GUCY2C: variants seen among roughly 807,000 people sequenced by gnomAD.
The protein encoded by GUCY2C is guanylyl cyclase C.
A neutral mutation model predicts 131.1 loss-of-function variants in GUCY2C; 118 were observed. The observed-to-expected ratio is 0.90, with a 90% CI of 0.78 to 1.05. The LOEUF (loss-of-function observed/expected upper bound fraction) is 1.05. GUCY2C is among the 50% of genes least tolerant of loss of function. The pLI is 0.00. For synonymous variants in GUCY2C, 452 were observed against 457.8 expected, an observed-to-expected ratio of 0.99 and a Z score of 0.16; for missense variants, 1,161 against 1,304.4, an observed-to-expected ratio of 0.89 and a Z score of 1.69.
At chr12:14,640,510 G>T (rs1337516393) in intron 18 of GUCY2C, among the ~76,000 whole-genome samples, 1 of 151,008 alleles carries the variant, frequency 6.6e-6, no homozygotes, top group East Asian at 1.9e-4. Context: ...AAGAAAAAAT[G>T]CTACTGTCGC....
In GUCY2C at chr12:14,656,905, G is replaced by C. The variant is rs11056084; in HGVS notation, c.1365-288C>G. ...ATGGAGGTGGCAGGGAGTGGTTTCAGGATGAAACTGTTCCACCTCAGATCA... is the reference window on the plus strand; with the variant it reads ...ATGGAGGTGGCAGGGAGTGGTTTCACGATGAAACTGTTCCACCTCAGATCA... On this transcript the variant is annotated intron_variant, in intron 11 of 26. Coordinates refer to ENST00000261170, the MANE Select transcript of GUCY2C (RefSeq NM_004963.4). 5.9e-3 allele frequency among the ~76,000 whole-genome samples: 894 copies of C among 152,350 alleles called. 6 individuals carry two copies. Among genetic ancestry groups the C allele is most frequent in the African/African-American group, 0.02 (842 of 41,576 alleles).
At chr12:14,664,101 G>A (rs1947921761) in intron 10 of GUCY2C, among the ~76,000 whole-genome samples, 1 of 152,122 alleles carries the variant, frequency 6.6e-6, no homozygotes. Flanking sequence ...CTATTACCTT[G>A]TTTTGTGTTC....
chr12:14,643,687 G>C lies in GUCY2C; in HGVS notation c.1817C>G (p.Ser606Cys), dbSNP rs1947455063. Residue 606 changes from serine (S) to cysteine (C), a missense_variant, in exon 17 of 27, where the codon TCC becomes TGC. Transcript: ENST00000261170. ...DIAKGMSYLH[S>C]SKTEVHGRLK... ...ACGACCATGGACTTCTGTCTTACTG[G>C]AGTGCAGATATGACATTCCCTGTAA... 2 of 1,612,860 alleles carry C rather than the reference G, an allele frequency of 1.2e-6. No homozygotes were observed. The highest frequency in any genetic ancestry group is 1.7e-5 in the Admixed American group (1 of 60,012).
chr12:14,661,001 G>A lies in GUCY2C; in HGVS notation c.1344C>T (p.Leu448=), dbSNP rs1408889412. ...TGTACCTGAGCATCAGGAGAGCGAC[G>A]AGCAGGAGCAGCACCACAGCTCCAG... ...TLTGAVVLLL[L]VALLMLRKYR... The change falls in exon 11 of 27, where the codon CTC becomes CTT. Residue 448 remains leucine (L), a synonymous_variant. Transcript: ENST00000261170. 7 of 1,611,888 alleles carry A rather than the reference G, an allele frequency of 4.3e-6. No homozygotes were observed. Among genetic ancestry groups the A allele is most frequent in the Middle Eastern group, 1.7e-4 (1 of 6,052 alleles).
At chr12:14,657,098 T>C (rs1360218618) in intron 11 of GUCY2C, among the ~76,000 whole-genome samples, 2 of 152,222 alleles carry the variant, frequency 1.3e-5, no homozygotes, top group African/African-American at 4.8e-5. Flanking sequence ...GTGCGGTTGG[T>C]TCCTAACAGG....
chr12:14,631,730 C>T (rs1592089733), intron 19 of GUCY2C, among the ~76,000 whole-genome samples: 1 of 147,782 alleles, frequency 6.8e-6, no homozygotes, highest in East Asian at 2.0e-4. Context: ...ATTTATAGTC[C>T]TTTGGGTATA....
intron 15 of GUCY2C, among the ~76,000 whole-genome samples, chr12:14,646,184 C>T (rs1483535297): frequency 6.6e-6 from 1 of 152,168 alleles, no homozygotes; most frequent in African/African-American, 2.4e-5. Context: ...ATGGTTCTAC[C>T]AAGTTGCAGG....
At chr12:14,667,277 C>T (rs751551) in intron 10 of GUCY2C, among the ~76,000 whole-genome samples, 115,929 of 152,142 alleles carry the variant, frequency 0.76, 45,398 homozygotes, top group Non-Finnish European at 0.86. Context: ...TGCAGAAGCC[C>T]ATGAGAAAAG....
chr12:14,638,035 T>C (rs1947310146), intron 19 of GUCY2C, among the ~76,000 whole-genome samples: 1 of 151,934 alleles, frequency 6.6e-6, no homozygotes, highest in East Asian at 1.9e-4. Context: ...TTAAAAAAAT[T>C]CCATTAAAAA....
Position 14,645,208 on chromosome 12 carries a change from CTGTG to C in GUCY2C, c.1797+17_1797+20del. On this transcript the variant is annotated intron_variant, in intron 16 of 26. Coordinates refer to ENST00000261170, the MANE Select transcript of GUCY2C (RefSeq NM_004963.4). ...TTCTTATATTTAATTTTCATATTTTCTGTGTGTGTGTTTCTCTTACCTTAGCAAT... is the reference window on the plus strand; with the variant it reads ...TTCTTATATTTAATTTTCATATTTTCTGTGTGTTTCTCTTACCTTAGCAAT... 1 of 1,234,056 alleles carries C rather than the reference CTGTG, an allele frequency of 8.1e-7. No homozygotes were observed. The highest frequency in any genetic ancestry group is 1.2e-6 in the Non-Finnish European group (1 of 850,820). The allele number at this position is 1,234,056 out of a possible 1,614,324, so 76.4% of individuals were successfully genotyped here.
chr12:14,673,084 G>T, intron 8 of GUCY2C, 126 bp from the exon 9 acceptor site: 1 of 638,138 alleles, frequency 1.6e-6, no homozygotes, highest in South Asian at 1.9e-5. Context: ...AAACATTGTT[G>T]ACATTAATAG....
intron 10 of GUCY2C, among the ~76,000 whole-genome samples, chr12:14,663,622 G>A (rs975357945): frequency 2.0e-5 from 3 of 152,192 alleles, no homozygotes; most frequent in Non-Finnish European, 4.4e-5. Context: ...ATTGATGTAG[G>A]TGCCCCGAAA....
chr12:14,647,261 C>A (rs1467184600), intron 15 of GUCY2C, among the ~76,000 whole-genome samples: 1 of 152,132 alleles, frequency 6.6e-6, no homozygotes, highest in African/African-American at 2.4e-5. Flanking sequence ...TAATAACTTT[C>A]TGACAAGTGG....
intron 4 of GUCY2C, 68 bp downstream of exon 4, chr12:14,682,974 G>A: frequency 1.0e-6 from 1 of 1,001,754 alleles, no homozygotes; most frequent in Non-Finnish European, 1.6e-6. Flanking sequence ...TAATAACTAG[G>A]TGGCCTGCAT....
At chr12:14,634,354 C>T (rs1378523185) in intron 19 of GUCY2C, among the ~76,000 whole-genome samples, 1 of 152,168 alleles carries the variant, frequency 6.6e-6, no homozygotes, top group Non-Finnish European at 1.5e-5. Context: ...AAATTCATCA[C>T]CCCTAGACCT....
intron 15 of GUCY2C, among the ~76,000 whole-genome samples, chr12:14,650,361 C>T (rs1164654895): frequency 6.6e-6 from 1 of 152,160 alleles, no homozygotes; most frequent in Admixed American, 6.5e-5. Context: ...GATTCTCCTG[C>T]CTCAGCCTCC....
intron 10 of GUCY2C, among the ~76,000 whole-genome samples, chr12:14,661,279 T>C (rs1171056639): frequency 1.3e-5 from 2 of 152,174 alleles, no homozygotes; most frequent in African/African-American, 4.8e-5. Context: ...ATTTTGGCTA[T>C]TCTGACAGCA....
At chr12:14,640,542 C>G (rs772774984) in intron 18 of GUCY2C, among the ~76,000 whole-genome samples, 1 of 151,872 alleles carries the variant, frequency 6.6e-6, no homozygotes, top group East Asian at 1.9e-4. Flanking sequence ...GCTCAGGCAC[C>G]ACTGCCTTCA....
chr12:14,644,707 G>C (rs1947480316), intron 16 of GUCY2C, among the ~76,000 whole-genome samples: 1 of 144,222 alleles, frequency 6.9e-6, no homozygotes, highest in South Asian at 2.2e-4. Context: ...CTGTACTTAA[G>C]ATTTTCTCTT....
Sources: gnomAD v4.1 joint callset for allele counts (sites outside exome capture counted in the v4.1 genomes callset) on GRCh38, gnomAD v4.1.1 for gene constraint, MANE v1.5 for transcripts, NCBI Gene and HGNC (gene_info 2026-07-23, HGNC 2026-07-21) for gene names.